The following PPARGC1A variants were observed in gnomAD, a reference collection of about 807,000 sequenced individuals.
PPARGC1A encodes PPARG coactivator 1 alpha.
PPARGC1A carries 25 observed loss-of-function variants against 88.7 expected under a neutral mutation model. That is an observed-to-expected ratio of 0.28 (90% CI 0.21 to 0.39). The LOEUF (loss-of-function observed/expected upper bound fraction) is 0.39, where lower values mean the gene tolerates loss of function less well. PPARGC1A is among the 10% of genes least tolerant of loss of function. PPARGC1A has a pLI of 1.00. For synonymous variants in PPARGC1A, 363 were observed against 355.6 expected, an observed-to-expected ratio of 1.02 and a Z score of -0.24; for missense variants, 880 against 968.7, an observed-to-expected ratio of 0.91 and a Z score of 1.22.
the PPARGC1A span, among the ~76,000 whole-genome samples, chr4:24,078,005 T>G: frequency 1.3e-5 from 2 of 152,096 alleles, no homozygotes; most frequent in Non-Finnish European, 1.5e-5. Flanking sequence ...TTTCCATAGT[T>G]CCTGTTCTTT....
chr4:24,237,226 G>A, the PPARGC1A span, among the ~76,000 whole-genome samples: 33 of 151,576 alleles, frequency 2.2e-4, no homozygotes, highest in Admixed American at 2.0e-3. Flanking sequence ...CCCATCAATA[G>A]TAATTCCGAG....
intron 5 of PPARGC1A, 131 bp from the exon 6 acceptor site, chr4:23,824,639 G>C (rs1723602371): frequency 2.5e-6 from 2 of 808,980 alleles, no homozygotes; most frequent in African/African-American, 1.7e-5. Context: ...TCTGAATATT[G>C]AATCAAAGTC....
the PPARGC1A span, among the ~76,000 whole-genome samples, chr4:24,443,442 T>C: frequency 2.0e-5 from 3 of 152,010 alleles, no homozygotes; most frequent in Non-Finnish European, 4.4e-5. Flanking sequence ...AACATAAAGG[T>C]GGGAACTGAA....
At chr4:24,232,802 C>T in the PPARGC1A span, among the ~76,000 whole-genome samples, 1 of 152,152 alleles carries the variant, frequency 6.6e-6, no homozygotes, top group Non-Finnish European at 1.5e-5. Context: ...AGGGCATTGT[C>T]CTAGAAGGAT....
chr4:23,809,966 C>T (rs887615011), intron 10 of PPARGC1A, among the ~76,000 whole-genome samples: 3 of 152,178 alleles, frequency 2.0e-5, no homozygotes, highest in African/African-American at 4.8e-5. Context: ...ACTTATCACA[C>T]TGTATTGCCT....
At chr4:23,856,337 G>T (rs1360350906) in intron 2 of PPARGC1A, among the ~76,000 whole-genome samples, 2 of 152,170 alleles carry the variant, frequency 1.3e-5, no homozygotes, top group African/African-American at 4.8e-5. Context: ...CCAGGGATTA[G>T]TCATTGCAAA....
the PPARGC1A span, among the ~76,000 whole-genome samples, chr4:24,232,209 A>G: frequency 6.7e-6 from 1 of 149,462 alleles, no homozygotes; most frequent in African/African-American, 2.4e-5. Flanking sequence ...ATTGAAAAAA[A>G]AAAAATTCTG....
intron 2 of PPARGC1A, among the ~76,000 whole-genome samples, chr4:23,834,233 G>A (rs184777110): frequency 2.0e-4 from 30 of 152,244 alleles, no homozygotes; most frequent in Middle Eastern, 6.8e-3. Context: ...CCGGGGGGTG[G>A]AGCTTGCAGT....
chr4:24,456,959 C>G, the PPARGC1A span, among the ~76,000 whole-genome samples: 1 of 152,094 alleles, frequency 6.6e-6, no homozygotes, highest in Non-Finnish European at 1.5e-5. Flanking sequence ...TGAAGACCAC[C>G]CTGATGGTGG....
At chr4:23,896,811 C>T (rs1577690726) in intron 1 of PPARGC1A, among the ~76,000 whole-genome samples, 2 of 152,186 alleles carry the variant, frequency 1.3e-5, no homozygotes, top group South Asian at 4.2e-4. Flanking sequence ...GGTCTACCAA[C>T]TAACTGGGGA....
the PPARGC1A span, among the ~76,000 whole-genome samples, chr4:24,103,368 C>T: frequency 2.0e-5 from 3 of 151,920 alleles, no homozygotes; most frequent in Non-Finnish European, 4.4e-5. Flanking sequence ...CAACCCATAT[C>T]CCAGATGCTG....
the PPARGC1A span, among the ~76,000 whole-genome samples, chr4:24,460,197 T>C: frequency 6.6e-6 from 1 of 152,220 alleles, no homozygotes; most frequent in African/African-American, 2.4e-5. Context: ...AAATGTTTAA[T>C]ATCATTGTAA....
the PPARGC1A span, among the ~76,000 whole-genome samples, chr4:24,398,247 C>A: frequency 8.5e-5 from 13 of 152,164 alleles, no homozygotes; most frequent in South Asian, 2.1e-3. Context: ...ACCTGTAAAG[C>A]AGATCTATAA....
At chr4:24,238,374 C>T in the PPARGC1A span, among the ~76,000 whole-genome samples, 1 of 152,188 alleles carries the variant, frequency 6.6e-6, no homozygotes, top group African/African-American at 2.4e-5. Context: ...AGCTAGAGAA[C>T]TTGCAACAAG....
chr4:23,818,017 CT>C (rs1351825146), intron 7 of PPARGC1A, among the ~76,000 whole-genome samples: 4 of 152,274 alleles, frequency 2.6e-5, no homozygotes, highest in African/African-American at 9.6e-5. Flanking sequence ...ACTTTCCCCC[CT>C]GAAGTAAGAG....
chr4:24,466,660 T>C, the PPARGC1A span, among the ~76,000 whole-genome samples: 2 of 151,996 alleles, frequency 1.3e-5, no homozygotes, highest in Non-Finnish European at 2.9e-5. Flanking sequence ...GGTTTACATA[T>C]ATTACAAAGA....
the PPARGC1A span, among the ~76,000 whole-genome samples, chr4:24,006,945 A>C: frequency 6.6e-6 from 1 of 152,166 alleles, no homozygotes; most frequent in Non-Finnish European, 1.5e-5. Context: ...ATTTAATGTA[A>C]TTTAATTCTA....
chr4:23,924,720 G>A, the PPARGC1A span, among the ~76,000 whole-genome samples: 1 of 152,142 alleles, frequency 6.6e-6, no homozygotes, highest in Non-Finnish European at 1.5e-5. Context: ...ACAGCACCAT[G>A]CCTAGACATG....
chr4:23,850,280 T>C (rs757733590), intron 2 of PPARGC1A, among the ~76,000 whole-genome samples: 5 of 152,332 alleles, frequency 3.3e-5, no homozygotes, highest in East Asian at 3.9e-4. Flanking sequence ...CTGCTTCTTA[T>C]ACATTGCCAA....
Sources: gnomAD v4.1 joint callset for allele counts (sites outside exome capture counted in the v4.1 genomes callset) on GRCh38, gnomAD v4.1.1 for gene constraint, MANE v1.5 for transcripts, NCBI Gene and HGNC (gene_info 2026-07-23, HGNC 2026-07-21) for gene names.